The following CSTPP1 variants were observed in gnomAD, a reference collection of about 807,000 sequenced individuals.
CSTPP1 encodes the protein UPF0705 protein C11orf49.
At chr11:46,967,189 C>G in the CSTPP1 span, among the ~76,000 whole-genome samples, 1 of 152,090 alleles carries the variant, frequency 6.6e-6, no homozygotes, top group African/African-American at 2.4e-5. Flanking sequence ...AGTTTTAGCT[C>G]TTACATTTAG....
the CSTPP1 span, among the ~76,000 whole-genome samples, chr11:47,011,236 T>C: frequency 6.6e-6 from 1 of 152,346 alleles, no homozygotes; most frequent in Non-Finnish European, 1.5e-5. Flanking sequence ...AATACATTTT[T>C]ATTACATTTT....
the CSTPP1 span, among the ~76,000 whole-genome samples, chr11:47,022,502 T>C: frequency 6.6e-6 from 1 of 151,108 alleles, no homozygotes; most frequent in Non-Finnish European, 1.5e-5. Context: ...CCCAAGTAGC[T>C]GGGACTACAG....
the CSTPP1 span, among the ~76,000 whole-genome samples, chr11:46,983,413 A>G: frequency 1.3e-5 from 2 of 152,200 alleles, no homozygotes; most frequent in East Asian, 1.9e-4. Context: ...GACATGGACA[A>G]TTGGGCATTA....
At chr11:47,030,078 G>A in the CSTPP1 span, among the ~76,000 whole-genome samples, 3 of 152,142 alleles carry the variant, frequency 2.0e-5, no homozygotes, top group African/African-American at 7.2e-5. Context: ...AGTGAGCTAT[G>A]ATCGTACTAC....
At chr11:47,087,020 C>T in the CSTPP1 span, among the ~76,000 whole-genome samples, 1 of 151,986 alleles carries the variant, frequency 6.6e-6, no homozygotes, top group Non-Finnish European at 1.5e-5. Context: ...GACATCCTTG[C>T]GAACAAGGAG....
the CSTPP1 span, among the ~76,000 whole-genome samples, chr11:47,012,796 A>C: frequency 2.0e-5 from 3 of 152,002 alleles, no homozygotes; most frequent in Non-Finnish European, 4.4e-5. Context: ...GGAGCCAGGA[A>C]CTGAGTCTTC....
At chr11:47,026,431 ATTG>A in the CSTPP1 span, among the ~76,000 whole-genome samples, 1 of 152,284 alleles carries the variant, frequency 6.6e-6, no homozygotes, top group South Asian at 2.1e-4. Flanking sequence ...ATTTACGGTA[ATTG>A]TTGTTATTTT....
chr11:47,150,324 T>C, the CSTPP1 span, among the ~76,000 whole-genome samples: 4,785 of 152,244 alleles, frequency 0.031, 219 homozygotes, highest in African/African-American at 0.11. Flanking sequence ...AGGTGCCACC[T>C]GGCCAGAGGA....
At chr11:47,108,188 GA>G in the CSTPP1 span, among the ~76,000 whole-genome samples, 5 of 152,344 alleles carry the variant, frequency 3.3e-5, no homozygotes, top group African/African-American at 1.2e-4. Flanking sequence ...CTAGAGGCCA[GA>G]AAATGAAATC....
At chr11:46,962,333 T>C in the CSTPP1 span, among the ~76,000 whole-genome samples, 5 of 152,254 alleles carry the variant, frequency 3.3e-5, no homozygotes, top group African/African-American at 1.2e-4. Flanking sequence ...TCTTGGTTAC[T>C]GTAGCTTTGA....
the CSTPP1 span, chr11:47,163,947 T>G: frequency 4.3e-5 from 40 of 940,622 alleles, no homozygotes; most frequent in East Asian, 5.5e-5. Context: ...TACCCGGCGT[T>G]AAATATTTCT....
chr11:46,943,204 A>G, the CSTPP1 span, among the ~76,000 whole-genome samples: 1 of 152,368 alleles, frequency 6.6e-6, no homozygotes, highest in African/African-American at 2.4e-5. Context: ...AGACTTATTA[A>G]GAACTTACTC....
chr11:47,052,826 G>A, the CSTPP1 span: 1 of 195,710 alleles, frequency 5.1e-6, no homozygotes, highest in Non-Finnish European at 1.0e-5. Flanking sequence ...AGGGCTCTCT[G>A]TGGTAGATAC....
chr11:47,022,543 G>A, the CSTPP1 span, among the ~76,000 whole-genome samples: 51 of 151,036 alleles, frequency 3.4e-4, 1 homozygote, highest in East Asian at 6.6e-3. Context: ...CTAATTTTTG[G>A]ATTTTTAGTA....
At chr11:47,009,410 G>A in the CSTPP1 span, among the ~76,000 whole-genome samples, 2 of 152,180 alleles carry the variant, frequency 1.3e-5, no homozygotes, top group African/African-American at 4.8e-5. Flanking sequence ...TTTGACTCAT[G>A]GAGGACTAGT....
chr11:46,942,610 T>G, the CSTPP1 span, among the ~76,000 whole-genome samples: 2 of 152,180 alleles, frequency 1.3e-5, no homozygotes, highest in African/African-American at 4.8e-5. Context: ...CTTTGGGGAC[T>G]AGACATTTAG....
chr11:47,034,623 C>G, the CSTPP1 span, among the ~76,000 whole-genome samples: 32 of 151,862 alleles, frequency 2.1e-4, no homozygotes, highest in African/African-American at 7.7e-4. Context: ...GCTTCAGCCT[C>G]TTTAGTAGCT....
chr11:46,967,966 T>C, the CSTPP1 span, among the ~76,000 whole-genome samples: 1 of 151,956 alleles, frequency 6.6e-6, no homozygotes, highest in Non-Finnish European at 1.5e-5. Context: ...GTGGAGGAGA[T>C]TGGCTTTATA....
chr11:46,960,935 A>G, the CSTPP1 span, among the ~76,000 whole-genome samples: 1 of 151,956 alleles, frequency 6.6e-6, no homozygotes, highest in Admixed American at 6.6e-5. Flanking sequence ...ATAATGTTTG[A>G]TTGTATGGGT....
Sources: allele counts gnomAD v4.1 joint callset (sites outside exome capture counted in the v4.1 genomes callset), GRCh38; gene constraint gnomAD v4.1.1; transcripts MANE v1.5; gene names NCBI Gene and HGNC (gene_info 2026-07-23, HGNC 2026-07-21).